The following KIF13B variants were observed in gnomAD, a reference collection of about 807,000 sequenced individuals.
The protein encoded by KIF13B is kinesin-like protein KIF13B.
In KIF13B, 127 loss-of-function variants were observed where a neutral mutation model predicts 222.0. The ratio of observed to expected loss-of-function variants is 0.57; its 90% CI spans 0.50 to 0.66. The LOEUF is 0.66. Ranked by LOEUF, KIF13B falls within the 30% of genes least tolerant of loss-of-function variation. The pLI is 0.00. For synonymous variants in KIF13B, 976 were observed against 919.0 expected (o/e 1.06, Z -1.12); for missense variants, 2,173 against 2,379.0 (o/e 0.91, Z 1.80).
At chr8:29,241,073 T>C (rs533091100) in intron 2 of KIF13B, among the ~76,000 whole-genome samples, 21 of 152,308 alleles carry the variant, frequency 1.4e-4, no homozygotes, top group African/African-American at 4.6e-4. Flanking sequence ...AACTGATGAA[T>C]GGATAAACAA....
Position 29,167,807 on chromosome 8 carries a change from G to A in KIF13B, c.946-222C>T, listed in dbSNP as rs376293240. 3.9e-5 allele frequency among the ~76,000 whole-genome samples: 6 copies of A among 152,248 alleles called. No homozygotes were observed. The East Asian group carries it at 7.7e-4, about 20-fold the overall frequency. ...GGAGTTTTAGCCTTTGATAAAGGAC[G>A]GGGAAATGTCATGAAACCTACCTTT... is the stretch of plus-strand genomic sequence containing the variant. On this transcript the variant is annotated intron_variant, in intron 10 of 39. Transcript: ENST00000524189.
Position 29,134,034 on chromosome 8 carries a change from A to G in KIF13B, c.2784+6T>C. The G allele has an allele frequency of 6.2e-7, 1 of 1,609,580 alleles. No individual in the cohort carries two copies. The highest frequency in any genetic ancestry group is 8.5e-7 in the Non-Finnish European group (1 of 1,177,782). ...AATGCTGACCTACTCTGGAAAACAA[A>G]CTCACATTGCAATGATCAAAGACAA... is the stretch of plus-strand genomic sequence containing the variant. On this transcript the variant is annotated splice_donor_region_variant and intron_variant, in intron 22 of 39. Coordinates refer to ENST00000524189, the MANE Select transcript of KIF13B (RefSeq NM_015254.4).
intron 1 of KIF13B, among the ~76,000 whole-genome samples, chr8:29,247,733 T>G (rs934471186): frequency 6.8e-6 from 1 of 147,476 alleles, no homozygotes; most frequent in Non-Finnish European, 1.5e-5. Flanking sequence ...ACTCAGAAGG[T>G]TGAGATAGGA....
Position 29,108,170 on chromosome 8 carries a change from A to G in KIF13B, c.4184T>C (p.Leu1395Pro). Reference sequence around the variant, plus strand: ...GCTGCCTAGACTGTATGATGGAATGAGATCTTGTCGGCTTCCAGACAACTG... The same window carrying G: ...GCTGCCTAGACTGTATGATGGAATGGGATCTTGTCGGCTTCCAGACAACTG... ...VNRLSGSRQD[L>P]IPSYSLGSNK... Residue 1395 changes from leucine (L) to proline (P), a missense_variant, in exon 35 of 40, where the codon CTC (leucine) becomes CCC (proline). By Grantham distance (98) the Leu-to-Pro change is moderately conservative. This residue lies in a region of KIF13B where 693 missense variants were observed against 656.2 expected (regional missense o/e 1.06). Coordinates refer to ENST00000524189, the MANE Select transcript of KIF13B (RefSeq NM_015254.4). 1 of 1,612,530 alleles carries G rather than the reference A, an allele frequency of 6.2e-7. No homozygotes were observed. Among genetic ancestry groups the G allele is most frequent in the East Asian group, 2.2e-5 (1 of 44,880 alleles).
intron 13 of KIF13B, among the ~76,000 whole-genome samples, chr8:29,158,341 C>A (rs1811629032): frequency 6.6e-6 from 1 of 151,986 alleles, no homozygotes; most frequent in Non-Finnish European, 1.5e-5. Flanking sequence ...CTTTTGTGTG[C>A]CCAGGTAATC....
intron 38 of KIF13B, among the ~76,000 whole-genome samples, chr8:29,073,177 A>G (rs1807393475): frequency 7.0e-6 from 1 of 142,912 alleles, no homozygotes; most frequent in African/African-American, 2.7e-5. Context: ...GGAGGGGACA[A>G]AGGCTCCCTG....
chr8:29,071,020 G>A lies in KIF13B; in HGVS notation c.5219-254C>T, dbSNP rs192244147. The stretch of plus-strand genomic sequence containing the variant: ...GCACAGCCCCAGTCCTGCAGCCTCA[G>A]GTAGGAGGTGACAGGCCCTGGGGGC... On this transcript the variant is annotated intron_variant, in intron 39 of 39. Coordinates refer to ENST00000524189, the MANE Select transcript of KIF13B (RefSeq NM_015254.4). This position sits in a 1 kb window ranked among gnomAD's most constrained non-coding sequence, Gnocchi z 4.9. Among the ~76,000 whole-genome samples the A allele has an allele frequency of 4.0e-4, 61 of 152,318 alleles. No homozygotes were observed. The highest frequency in any genetic ancestry group is 7.6e-4 in the Non-Finnish European group (52 of 68,004).
At chr8:29,076,184 C>A (rs1209482107) in intron 37 of KIF13B, among the ~76,000 whole-genome samples, 1 of 152,344 alleles carries the variant, frequency 6.6e-6, no homozygotes, top group South Asian at 2.1e-4. Flanking sequence ...AGCAGCCGAG[C>A]AGATGTGCTC....
chr8:29,258,280 G>T lies in KIF13B; in HGVS notation c.55+4700C>A, dbSNP rs537927798. Among the ~76,000 whole-genome samples the T allele has an allele frequency of 9.9e-5, 15 of 152,216 alleles. No homozygotes were observed. In the East Asian group the frequency reaches 2.9e-3, roughly 29 times the overall value. ...TGTTGATTCACAGCTGCTTAATTTT[G>T]ACCGACTTCCTTATGCTTCCCATTC... On this transcript the variant is annotated intron_variant, in intron 1 of 39. Transcript: ENST00000524189.
intron 10 of KIF13B, among the ~76,000 whole-genome samples, chr8:29,168,039 C>T (rs569357985): frequency 1.3e-5 from 2 of 152,328 alleles, no homozygotes; most frequent in East Asian, 3.9e-4. Flanking sequence ...CTAATAATGG[C>T]TCAGAAAGTT....
intron 10 of KIF13B, among the ~76,000 whole-genome samples, chr8:29,168,755 A>C (rs1812115257): frequency 6.6e-6 from 1 of 152,144 alleles, no homozygotes; most frequent in African/African-American, 2.4e-5. Flanking sequence ...CAACACTTTA[A>C]TTACATCCAT....
intron 8 of KIF13B, among the ~76,000 whole-genome samples, chr8:29,179,418 A>T (rs1260485092): frequency 6.6e-6 from 1 of 152,210 alleles, no homozygotes; most frequent in African/African-American, 2.4e-5. Context: ...TGCCTGGGCA[A>T]GCGAGAGCAT....
intron 31 of KIF13B, among the ~76,000 whole-genome samples, chr8:29,116,533 A>C (rs1021380258): frequency 6.6e-6 from 1 of 152,194 alleles, no homozygotes; most frequent in African/African-American, 2.4e-5. Flanking sequence ...GCCCAGATGA[A>C]AAGGCAACAA....
chr8:29,117,411 A>T (rs1809653928), intron 30 of KIF13B, among the ~76,000 whole-genome samples: 1 of 152,226 alleles, frequency 6.6e-6, no homozygotes, highest in South Asian at 2.1e-4. Flanking sequence ...AGTTGAAAGT[A>T]ATATCTAGGA....
chr8:29,105,503 T>C (rs564653398), intron 35 of KIF13B, among the ~76,000 whole-genome samples: 29 of 152,186 alleles, frequency 1.9e-4, no homozygotes, highest in Non-Finnish European at 3.5e-4. Flanking sequence ...CCCTCTGCCA[T>C]GCCCTGGCTG....
intron 21 of KIF13B, among the ~76,000 whole-genome samples, chr8:29,135,261 T>G (rs1563730216): frequency 6.6e-6 from 1 of 152,066 alleles, no homozygotes; most frequent in African/African-American, 2.4e-5. Flanking sequence ...CCCAGACTGG[T>G]TTTGAATTCC....
intron 1 of KIF13B, among the ~76,000 whole-genome samples, chr8:29,246,835 A>C (rs1046775992): frequency 1.3e-5 from 2 of 152,200 alleles, no homozygotes; most frequent in African/African-American, 4.8e-5. Flanking sequence ...AACGATGCCA[A>C]AACAACCCAA....
chr8:29,144,831 G>A (rs542855812), intron 18 of KIF13B, among the ~76,000 whole-genome samples: 13 of 152,292 alleles, frequency 8.5e-5, no homozygotes, highest in African/African-American at 2.2e-4. Context: ...TCTGTTGCAC[G>A]AAAGACTACA....
At chr8:29,152,063 G>A (rs1020463052) in intron 14 of KIF13B, among the ~76,000 whole-genome samples, 1 of 152,146 alleles carries the variant, frequency 6.6e-6, no homozygotes, top group African/African-American at 2.4e-5. Flanking sequence ...CCTTCGGGGG[G>A]TTCAAGACTT....
Sources: allele counts gnomAD v4.1 joint callset (sites outside exome capture counted in the v4.1 genomes callset), GRCh38; gene constraint gnomAD v4.1.1; regional missense constraint gnomAD v4.1.1; non-coding constraint Gnocchi (gnomAD v3.1); transcripts MANE v1.5; gene names NCBI Gene and HGNC (gene_info 2026-07-23, HGNC 2026-07-21).